TMTC2: variants seen among roughly 807,000 people sequenced by gnomAD.
TMTC2 encodes the protein protein O-mannosyl-transferase TMTC2.
TMTC2 carries 43 observed loss-of-function variants against 82.4 expected under a neutral mutation model. That is an observed-to-expected ratio of 0.52 (90% CI 0.41 to 0.67). The LOEUF is 0.67. Ranked by LOEUF, TMTC2 falls within the 30% of genes least tolerant of loss-of-function variation. TMTC2 has a pLI of 0.00. For synonymous variants in TMTC2, 408 were observed against 381.9 expected (o/e 1.07, Z -0.80); for missense variants, 919 against 1,012.4 (o/e 0.91, Z 1.25).
chr12:83,058,707 A>G (rs532105366), intron 10 of TMTC2, among the ~76,000 whole-genome samples: 1 of 151,626 alleles, frequency 6.6e-6, no homozygotes, highest in South Asian at 2.1e-4. Context: ...TCACTACCTC[A>G]CTCCTGGCTT....
chr12:82,975,749 T>TC, intron 7 of TMTC2, among the ~76,000 whole-genome samples: 1 of 151,566 alleles, frequency 6.6e-6, no homozygotes, highest in East Asian at 1.9e-4. Context: ...ATTACACTCT[T>TC]TTGACTCATA....
intron 8 of TMTC2, among the ~76,000 whole-genome samples, chr12:83,027,415 A>G (rs1461587215): frequency 6.6e-6 from 1 of 152,198 alleles, no homozygotes. Context: ...CGTAGTTGAT[A>G]GATTATTGGA....
intron 1 of TMTC2, among the ~76,000 whole-genome samples, chr12:82,748,302 C>T (rs912137149): frequency 6.6e-6 from 1 of 151,624 alleles, no homozygotes; most frequent in African/African-American, 2.4e-5. Flanking sequence ...CAGAGTGTGA[C>T]TGTCTCAAAG....
At chr12:82,774,895 A>T (rs958827250) in intron 1 of TMTC2, among the ~76,000 whole-genome samples, 1 of 151,902 alleles carries the variant, frequency 6.6e-6, no homozygotes, top group Non-Finnish European at 1.5e-5. Context: ...GCTGACAGGG[A>T]GGGTGAGAAA....
chr12:82,813,176 A>C (rs1366492642), intron 1 of TMTC2, among the ~76,000 whole-genome samples: 2 of 152,114 alleles, frequency 1.3e-5, no homozygotes, highest in African/African-American at 4.8e-5. Flanking sequence ...TAAATATTCT[A>C]GCATCTCTGG....
chr12:82,937,786 A>ATATACATATATATATATATATATATATG (rs1876454927), intron 4 of TMTC2, among the ~76,000 whole-genome samples: 11 of 23,070 alleles, frequency 4.8e-4, no homozygotes, highest in Admixed American at 1.1e-3. Flanking sequence ...ATATATATAT[A>ATATACATATATATATATATATATATATG]TATATATATA....
chr12:82,987,072 AAAT>A (rs972515541), intron 8 of TMTC2, among the ~76,000 whole-genome samples: 1 of 152,180 alleles, frequency 6.6e-6, no homozygotes, highest in African/African-American at 2.4e-5. Flanking sequence ...GTTACTTCAA[AAAT>A]AATAACATTT....
At chr12:82,962,733 C>A (rs151180357) in intron 4 of TMTC2, among the ~76,000 whole-genome samples, 1 of 151,812 alleles carries the variant, frequency 6.6e-6, no homozygotes, top group African/African-American at 2.4e-5. Flanking sequence ...ATCATTTTTT[C>A]AAAATTGTGA....
chr12:82,825,749 A>C (rs994431475), intron 1 of TMTC2, among the ~76,000 whole-genome samples: 1 of 152,140 alleles, frequency 6.6e-6, no homozygotes, highest in African/African-American at 2.4e-5. Context: ...TTAAGAAACA[A>C]ATTTTCCTGT....
At position 82,896,238 on chromosome 12, in the gene TMTC2, G is replaced by A; in HGVS notation, c.1075G>A (p.Glu359Lys). Reference sequence around the variant, plus strand: ...TGGACATAGCTGCCTTTCAGATGTGGAGTACCAGAACTCAGAGACTAAGTC... The same window carrying A: ...TGGACATAGCTGCCTTTCAGATGTGAAGTACCAGAACTCAGAGACTAAGTC... The part of the protein sequence containing the change: ...ANGHSCLSDV[E>K]YQNSETKSSF... The change falls in exon 3 of 12, where the codon GAG becomes AAG. Residue 359 changes from glutamate (E) to lysine (K), a missense_variant. By Grantham distance (56) the Glu-to-Lys change is moderately conservative. Transcript: ENST00000321196. The A allele has an allele frequency of 1.9e-6, 3 of 1,614,026 alleles. No individual in the cohort carries two copies. Among genetic ancestry groups the A allele is most frequent in the Middle Eastern group, 1.6e-4 (1 of 6,062 alleles).
intron 1 of TMTC2, among the ~76,000 whole-genome samples, chr12:82,753,111 A>G (rs952195799): frequency 4.6e-5 from 7 of 152,078 alleles, no homozygotes; most frequent in African/African-American, 1.7e-4. Context: ...TTTTCTGTTA[A>G]AGAAGCATTC....
intron 4 of TMTC2, 40 bp from the exon 5 acceptor site, chr12:82,964,984 A>G (rs374127887): frequency 6.8e-7 from 1 of 1,469,198 alleles, no homozygotes; most frequent in African/African-American, 1.4e-5. Flanking sequence ...TATATATAAT[A>G]ATACAGTCCT....
intron 2 of TMTC2, among the ~76,000 whole-genome samples, chr12:82,879,570 C>T (rs973430879): frequency 1.3e-5 from 2 of 152,160 alleles, no homozygotes; most frequent in African/African-American, 4.8e-5. Context: ...AGGACCGGTT[C>T]GTGGCCCAGG....
intron 3 of TMTC2, among the ~76,000 whole-genome samples, chr12:82,925,228 A>T (rs777429000): frequency 2.1e-4 from 32 of 152,160 alleles, no homozygotes; most frequent in Non-Finnish European, 3.4e-4. Flanking sequence ...TCTGAAGTTA[A>T]TTCATTTATT....
chr12:82,934,578 G>A (rs1162453647), intron 4 of TMTC2, among the ~76,000 whole-genome samples: 1 of 152,066 alleles, frequency 6.6e-6, no homozygotes, highest in Non-Finnish European at 1.5e-5. Flanking sequence ...TTATGGCTGT[G>A]TAGTATTCTG....
intron 2 of TMTC2, among the ~76,000 whole-genome samples, chr12:82,876,165 AG>A (rs1872564894): frequency 1.7e-5 from 2 of 116,980 alleles, no homozygotes; most frequent in African/African-American, 1.2e-4. Flanking sequence ...TAGTGGTGGT[AG>A]TGTTGTTGAT....
At chr12:82,699,238 T>C (rs1037234011) in intron 1 of TMTC2, among the ~76,000 whole-genome samples, 9 of 152,230 alleles carry the variant, frequency 5.9e-5, no homozygotes, top group Non-Finnish European at 1.2e-4. Flanking sequence ...CTATCCACTC[T>C]TGTGGCCAGC....
At chr12:82,888,378 G>A (rs1187777505) in intron 2 of TMTC2, among the ~76,000 whole-genome samples, 7 of 152,186 alleles carry the variant, frequency 4.6e-5, no homozygotes, top group Non-Finnish European at 1.0e-4. Flanking sequence ...TGACATAAAG[G>A]TGAAAAGGTC....
chr12:82,933,129 T>TG (rs1241227731), intron 4 of TMTC2, among the ~76,000 whole-genome samples: 10 of 152,200 alleles, frequency 6.6e-5, no homozygotes, highest in African/African-American at 2.4e-4. Context: ...ACTAATATGA[T>TG]GGGTCTTTAA....
Sources: gnomAD v4.1 joint callset for allele counts (sites outside exome capture counted in the v4.1 genomes callset) on GRCh38, gnomAD v4.1.1 for gene constraint, MANE v1.5 for transcripts, NCBI Gene and HGNC (gene_info 2026-07-23, HGNC 2026-07-21) for gene names.